RNF17: variants seen among roughly 807,000 people sequenced by gnomAD.
RNF17 encodes the protein ring finger protein 17.
RNF17 carries 31 observed loss-of-function variants against 200.5 expected under a neutral mutation model. The ratio of observed to expected loss-of-function variants is 0.15; its 90% CI spans 0.12 to 0.21. The LOEUF is 0.21. Ranked by LOEUF, RNF17 falls within the 10% of genes least tolerant of loss-of-function variation. The pLI is 1.00. For synonymous variants in RNF17, 606 were observed against 637.8 expected (o/e 0.95, Z 0.75); for missense variants, 1,628 against 1,905.1 (o/e 0.85, Z 2.71).
At chr13:24,861,200 G>T in intron 26 of RNF17, 68 bp from the exon 27 acceptor site, 1 of 1,359,148 alleles carries the variant, frequency 7.4e-7, no homozygotes, top group Admixed American at 2.0e-5. Flanking sequence ...CTAATAACAG[G>T]AAATTCCTTT....
At chr13:24,813,835 T>C (rs1373888990) in intron 15 of RNF17, among the ~76,000 whole-genome samples, 5 of 88,004 alleles carry the variant, frequency 5.7e-5, no homozygotes, top group African/African-American at 2.5e-4. Flanking sequence ...TTTTTTTTTT[T>C]TTTTTTTTTA....
chr13:24,824,289 T>C (rs2137954256), intron 15 of RNF17: 1 of 686,514 alleles, frequency 1.5e-6, no homozygotes, highest in South Asian at 1.6e-5. Flanking sequence ...ATCTATTTTG[T>C]TGGCGTCATT....
chr13:24,853,764 T>A (rs1892188155), intron 24 of RNF17, 91 bp from the exon 25 acceptor site: 1 of 922,770 alleles, frequency 1.1e-6, no homozygotes, highest in Non-Finnish European at 1.5e-6. Flanking sequence ...TCTTTCAATT[T>A]CATGTATATC....
At chr13:24,849,116 T>G (rs1303100767) in intron 22 of RNF17, among the ~76,000 whole-genome samples, 1 of 152,088 alleles carries the variant, frequency 6.6e-6, no homozygotes, top group African/African-American at 2.4e-5. Context: ...GTTGAGCCCA[T>G]GAGTTCAAGT....
chr13:24,765,965 C>T (rs559176479), intron 1 of RNF17, among the ~76,000 whole-genome samples: 2 of 152,198 alleles, frequency 1.3e-5, no homozygotes, highest in African/African-American at 4.8e-5. Flanking sequence ...CAGTGGCTCA[C>T]GCCTATAGTC....
intron 28 of RNF17, among the ~76,000 whole-genome samples, chr13:24,863,332 G>A (rs1220398978): frequency 6.6e-6 from 1 of 152,198 alleles, no homozygotes; most frequent in Non-Finnish European, 1.5e-5. Flanking sequence ...TCTCCTGACT[G>A]GGGAAATGAA....
At chr13:24,785,095 T>C (rs1164168725) in intron 6 of RNF17, among the ~76,000 whole-genome samples, 1 of 152,174 alleles carries the variant, frequency 6.6e-6, no homozygotes, top group Non-Finnish European at 1.5e-5. Flanking sequence ...TGTATTTATC[T>C]CTTCTCTTCT....
At chr13:24,838,824 C>A (rs201742098) in intron 18 of RNF17, among the ~76,000 whole-genome samples, 1 of 112,726 alleles carries the variant, frequency 8.9e-6, no homozygotes, top group African/African-American at 2.6e-5. Context: ...CTAGCCAGAG[C>A]AGTCAAGCAA....
chr13:24,866,317 A>G, intron 30 of RNF17, 114 bp downstream of exon 30: 2 of 584,662 alleles, frequency 3.4e-6, no homozygotes, highest in Non-Finnish European at 6.0e-6. Context: ...ATATCATAGA[A>G]TTTACCTATT....
At position 24,789,371 on chromosome 13, in the gene RNF17, T is replaced by C; in HGVS notation, c.807T>C (p.Thr269=). Residue 269 remains threonine, a synonymous_variant, in exon 8 of 36, where the codon ACT becomes ACC. Coordinates refer to ENST00000255324, the MANE Select transcript of RNF17 (RefSeq NM_031277.3). Reference sequence around the variant, plus strand: ...AGATTATCCGGACTTTGCAGTTAACTTCAGATAGTGAATTAGCACAAGTTA... The same window carrying C: ...AGATTATCCGGACTTTGCAGTTAACCTCAGATAGTGAATTAGCACAAGTTA... ...LNQIIRTLQL[T]SDSELAQVSS... is the part of the protein sequence containing the mutation. The C allele has an allele frequency of 1.2e-6, 2 of 1,604,332 alleles. No individual in the cohort carries two copies. The highest frequency in any genetic ancestry group is 1.7e-6 in the Non-Finnish European group (2 of 1,172,826).
chr13:24,813,568 C>A (rs561036741), intron 15 of RNF17, among the ~76,000 whole-genome samples: 2 of 152,014 alleles, frequency 1.3e-5, no homozygotes, highest in Non-Finnish European at 2.9e-5. Context: ...TGCAGTTGAT[C>A]GTTGAACAAG....
At chr13:24,791,731 T>C (rs1018183526) in intron 9 of RNF17, among the ~76,000 whole-genome samples, 1 of 152,072 alleles carries the variant, frequency 6.6e-6, no homozygotes, top group Non-Finnish European at 1.5e-5. Flanking sequence ...CAGAAGCACA[T>C]AGGATGATGT....
Position 24,868,607 on chromosome 13 carries a change from T to C in RNF17, c.4169T>C (p.Leu1390Pro), listed in dbSNP as rs1378105389. ...TTTTCTGTGGTGTTTTAGGAATTGC[T>C]TTCGGCTGAAACAGACACTCCTCTT... ...EQWEIRFEEL[L>P]SAETDTPLLP... is the part of the protein sequence containing the mutation. The change falls in exon 31 of 36, where the codon CTT (leucine) becomes CCT (proline). Residue 1390 changes from leucine (L) to proline (P), a missense_variant. By Grantham distance (98) the Leu-to-Pro change is moderately conservative. Coordinates refer to ENST00000255324, the MANE Select transcript of RNF17 (RefSeq NM_031277.3). 1 of 1,585,040 alleles carries C rather than the reference T, an allele frequency of 6.3e-7. No homozygotes were observed. The highest frequency in any genetic ancestry group is 1.7e-5 in the Admixed American group (1 of 59,958).
downstream of RNF17, chr13:24,884,016 A>T: frequency 6.2e-7 from 1 of 1,614,098 alleles, no homozygotes; most frequent in African/African-American, 1.3e-5. Context: ...CTTGTCCATC[A>T]GGAAATAAGT....
At position 24,791,956 on chromosome 13, in the gene RNF17, T is replaced by C. The variant is rs61602505; in HGVS notation, c.936-1086T>C. Among the ~76,000 whole-genome samples, 740 of 152,268 alleles carry C rather than the reference T, an allele frequency of 4.9e-3. 7 individuals are homozygous for C. Among genetic ancestry groups the C allele is most frequent in the African/African-American group, 0.017 (707 of 41,544 alleles). ...AACAGAATTAGGCTAAGATAGCTGATTAGATTCCTCTCCATCAGAGGGAAG... is the reference window on the plus strand; with the variant it reads ...AACAGAATTAGGCTAAGATAGCTGACTAGATTCCTCTCCATCAGAGGGAAG... On this transcript the variant is annotated intron_variant, in intron 9 of 35. Coordinates refer to ENST00000255324, the MANE Select transcript of RNF17 (RefSeq NM_031277.3).
chr13:24,808,046 T>C (rs886456077), intron 15 of RNF17, among the ~76,000 whole-genome samples: 9 of 151,464 alleles, frequency 5.9e-5, no homozygotes, highest in Non-Finnish European at 1.0e-4. Context: ...TTGGTTACTG[T>C]AGCCTTGTAG....
intron 2 of RNF17, among the ~76,000 whole-genome samples, chr13:24,768,415 G>C (rs1880105648): frequency 6.6e-6 from 1 of 151,560 alleles, no homozygotes; most frequent in African/African-American, 2.4e-5. Flanking sequence ...CTCCCAAGTA[G>C]CTGGGACTGT....
chr13:24,823,448 T>C (rs1011337), intron 15 of RNF17, among the ~76,000 whole-genome samples: 65,633 of 152,068 alleles, frequency 0.43, 14,253 homozygotes, highest in East Asian at 0.48. Flanking sequence ...CCATTCCTTG[T>C]CATGTATGAT....
chr13:24,801,910 G>GA (rs911874314), intron 13 of RNF17, among the ~76,000 whole-genome samples: 1 of 152,160 alleles, frequency 6.6e-6, no homozygotes, highest in African/African-American at 2.4e-5. Flanking sequence ...TTTATAAAGT[G>GA]AAGGTATATG....
Sources: allele counts gnomAD v4.1 joint callset (sites outside exome capture counted in the v4.1 genomes callset), GRCh38; gene constraint gnomAD v4.1.1; transcripts MANE v1.5; gene names NCBI Gene and HGNC (gene_info 2026-07-23, HGNC 2026-07-21).